Variants in SMYD3 observed in about 807,000 individuals in gnomAD.
The protein encoded by SMYD3 is SET and MYND domain containing 3.
SMYD3 carries 36 observed loss-of-function variants against 57.7 expected under a neutral mutation model. The observed-to-expected ratio is 0.62, with a 90% CI of 0.48 to 0.82. The LOEUF (loss-of-function observed/expected upper bound fraction) is 0.82, where lower values mean the gene tolerates loss of function less well. Among genes scored for constraint, SMYD3 ranks in the 40% least tolerant of loss-of-function variants. SMYD3 has a pLI of 0.00. For missense variants in SMYD3, 515 were observed against 538.8 expected, an observed-to-expected ratio of 0.96 and a Z score of 0.44; for synonymous variants, 211 against 195.0, an observed-to-expected ratio of 1.08 and a Z score of -0.68.
chr1:245,951,072 A>G (rs755599790), intron 5 of SMYD3, among the ~76,000 whole-genome samples: 1 of 152,162 alleles, frequency 6.6e-6, no homozygotes, highest in Non-Finnish European at 1.5e-5. Context: ...GTGATGAAGG[A>G]TACACAATGG....
Position 246,282,463 on chromosome 1 carries a change from G to A in SMYD3, c.531+44738C>T, listed in dbSNP as rs920636876. On this transcript the variant is annotated intron_variant, in intron 5 of 11. Transcript: ENST00000490107. ...GCAGTGAGCTGTGGGCCAAGGTGGC[G>A]TCACTGTGCTGCAGCCTAGGCAACA... is the stretch of plus-strand genomic sequence containing the variant. Among the ~76,000 whole-genome samples the A allele has an allele frequency of 7.3e-5, 11 of 151,118 alleles. 1 individual carries two copies. In the South Asian group the frequency reaches 1.3e-3, roughly 17 times the overall value.
chr1:246,279,587 AC>A (rs1484146560), intron 5 of SMYD3, among the ~76,000 whole-genome samples: 1 of 152,228 alleles, frequency 6.6e-6, no homozygotes, highest in Non-Finnish European at 1.5e-5. Context: ...GTTCTACTCT[AC>A]AGCTAAAGAG....
rs188452214 is a variant in SMYD3, at chr1:245,921,773, A to G, written c.703-6133T>C. ...AACCAAACACCCAATGTTCTCACTTATAAGTGGGAACTAAACACTGGGTAC... is the reference window on the plus strand; with the variant it reads ...AACCAAACACCCAATGTTCTCACTTGTAAGTGGGAACTAAACACTGGGTAC... On this transcript the variant is annotated intron_variant, in intron 7 of 11. Coordinates refer to ENST00000490107, the MANE Select transcript of SMYD3 (RefSeq NM_001167740.2). Among the ~76,000 whole-genome samples the G allele has an allele frequency of 1.6e-3, 246 of 152,254 alleles. 1 individual carries two copies. Among genetic ancestry groups the G allele is most frequent in the African/African-American group, 5.7e-3 (235 of 41,558 alleles).
chr1:246,261,304 T>G (rs10924651), intron 5 of SMYD3, among the ~76,000 whole-genome samples: 31,314 of 150,496 alleles, frequency 0.21, 3,951 homozygotes, highest in East Asian at 0.58. Flanking sequence ...GGATCCACCC[T>G]CCTCAGCCTC....
chr1:245,909,002 C>T (rs555835457), intron 8 of SMYD3, among the ~76,000 whole-genome samples: 1 of 150,966 alleles, frequency 6.6e-6, no homozygotes, highest in South Asian at 2.2e-4. Context: ...AAGAACAATA[C>T]AATACAAAAG....
intron 1 of SMYD3, among the ~76,000 whole-genome samples, chr1:246,442,383 T>C (rs1298338957): frequency 6.6e-6 from 1 of 152,004 alleles, no homozygotes; most frequent in East Asian, 1.9e-4. Flanking sequence ...ACCCCGCCTC[T>C]ACTAAAAATA....
chr1:246,367,510 G>A (rs777900260), intron 1 of SMYD3, among the ~76,000 whole-genome samples: 24 of 152,116 alleles, frequency 1.6e-4, no homozygotes, highest in African/African-American at 2.4e-4. Context: ...ATGAAAAACC[G>A]CAACCTCTGC....
intron 1 of SMYD3, among the ~76,000 whole-genome samples, chr1:246,474,951 C>T (rs116128893): frequency 0.013 from 1,942 of 152,198 alleles, 42 homozygotes; most frequent in African/African-American, 0.044. Context: ...AGGAGGGTGT[C>T]GCCTCTGGTA....
Position 246,207,884 on chromosome 1 carries a change from G to A in SMYD3, c.531+119317C>T, listed in dbSNP as rs2063025512. Among the ~76,000 whole-genome samples the A allele has an allele frequency of 3.2e-5, 4 of 125,530 alleles. No homozygotes were observed. The South Asian group carries it at 1.2e-3, about 39-fold the overall frequency. 82.4% of individuals were successfully genotyped at this position (125,530 alleles called of 152,430 possible). A position where few individuals can be genotyped will look rare whatever the true frequency, so the allele number is the denominator to read the frequency against. ...AGGAATCACATTAATAAGAGACAGGGACTGGACAATAACCTGGGGAGCAGT... is the reference window on the plus strand; with the variant it reads ...AGGAATCACATTAATAAGAGACAGGAACTGGACAATAACCTGGGGAGCAGT... On this transcript the variant is annotated intron_variant, in intron 5 of 11. Transcript: ENST00000490107.
chr1:246,345,068 G>C (rs1025769091), intron 2 of SMYD3, among the ~76,000 whole-genome samples: 4 of 152,092 alleles, frequency 2.6e-5, no homozygotes, highest in African/African-American at 9.7e-5. Context: ...GAGCTGAAGG[G>C]TTTAATTTTG....
intron 8 of SMYD3, 86 bp downstream of exon 8, chr1:245,915,444 T>G (rs2055337167): frequency 2.6e-6 from 2 of 783,508 alleles, no homozygotes; most frequent in African/African-American, 1.7e-5. Context: ...TCATTACTTT[T>G]GGGTTTATGA....
At chr1:246,021,833 C>T (rs2059476033) in intron 5 of SMYD3, among the ~76,000 whole-genome samples, 1 of 152,160 alleles carries the variant, frequency 6.6e-6, no homozygotes, top group African/African-American at 2.4e-5. Flanking sequence ...AAAAATGAAA[C>T]TGTGCATTTC....
At chr1:245,839,833 A>C (rs1397951634) in intron 10 of SMYD3, among the ~76,000 whole-genome samples, 2 of 152,010 alleles carry the variant, frequency 1.3e-5, no homozygotes, top group Non-Finnish European at 2.9e-5. Flanking sequence ...TTCATTCAGA[A>C]AAAAAAAACA....
At chr1:246,458,039 T>C (rs1032797338) in intron 1 of SMYD3, among the ~76,000 whole-genome samples, 3 of 152,194 alleles carry the variant, frequency 2.0e-5, no homozygotes, top group Non-Finnish European at 2.9e-5. Flanking sequence ...TTCCTGAAGA[T>C]AACAAGCATT....
At chr1:246,169,636 C>T (rs544668133) in intron 5 of SMYD3, among the ~76,000 whole-genome samples, 4 of 152,040 alleles carry the variant, frequency 2.6e-5, no homozygotes, top group Middle Eastern at 3.4e-3. Flanking sequence ...AGGCCGGGTG[C>T]GGTGGCTCGG....
chr1:245,759,095 T>C (rs950929131), intron 11 of SMYD3, among the ~76,000 whole-genome samples: 2 of 152,226 alleles, frequency 1.3e-5, no homozygotes, highest in Non-Finnish European at 2.9e-5. Flanking sequence ...TTATTTCCCA[T>C]AATACGACTT....
At chr1:246,204,695 A>C (rs907402519) in intron 5 of SMYD3, among the ~76,000 whole-genome samples, 6 of 152,346 alleles carry the variant, frequency 3.9e-5, no homozygotes, top group Admixed American at 3.9e-4. Flanking sequence ...TTGAGCTTCC[A>C]AAGAGACAAA....
rs77025141 is a variant in SMYD3, at chr1:245,968,932, C to T, written c.532-38995G>A. ...TGTTAAGGAGGCAATGCTTTCTCTT[C>T]CTATCATTGATAATATTCTGCATCA... On this transcript the variant is annotated intron_variant, in intron 5 of 11. Coordinates refer to ENST00000490107, the MANE Select transcript of SMYD3 (RefSeq NM_001167740.2). 4.1e-3 allele frequency among the ~76,000 whole-genome samples: 624 copies of T among 152,268 alleles called. 3 individuals carry two copies. Among genetic ancestry groups the T allele is most frequent in the African/African-American group, 0.014 (567 of 41,542 alleles).
intron 10 of SMYD3, among the ~76,000 whole-genome samples, chr1:245,810,401 C>T (rs954803606): frequency 2.0e-5 from 3 of 152,222 alleles, no homozygotes; most frequent in Non-Finnish European, 1.5e-5. Context: ...CAGAATCCCC[C>T]GCTAATCCTC....
Sources: gnomAD v4.1 joint callset for allele counts (sites outside exome capture counted in the v4.1 genomes callset) on GRCh38, gnomAD v4.1.1 for gene constraint, MANE v1.5 for transcripts, NCBI Gene and HGNC (gene_info 2026-07-23, HGNC 2026-07-21) for gene names.